Variants in EFCAB8 observed in about 807,000 individuals in gnomAD.
The protein encoded by EFCAB8 is EF-hand calcium-binding domain-containing protein 8.
EFCAB8 carries 100 observed loss-of-function variants against 116.3 expected under a neutral mutation model. The ratio of observed to expected loss-of-function variants is 0.86; its 90% CI spans 0.73 to 1.02. The LOEUF (loss-of-function observed/expected upper bound fraction) is 1.02. Ranked by LOEUF, EFCAB8 falls within the 50% of genes least tolerant of loss-of-function variation. EFCAB8 has a pLI of 0.00. For synonymous variants in EFCAB8, 558 were observed against 567.9 expected (o/e 0.98, Z 0.25); for missense variants, 1,320 against 1,416.9 (o/e 0.93, Z 1.10).
chr20:32,942,979 A>T (rs537833807), intron 22 of EFCAB8, among the ~76,000 whole-genome samples: 26 of 152,136 alleles, frequency 1.7e-4, no homozygotes, highest in Non-Finnish European at 3.2e-4. Flanking sequence ...TAAAATTTAA[A>T]GTTTATTATT....
intron 20 of EFCAB8, among the ~76,000 whole-genome samples, chr20:32,921,514 C>A (rs1987453799): frequency 6.6e-6 from 1 of 151,816 alleles, no homozygotes; most frequent in African/African-American, 2.4e-5. Context: ...TTATACCCAG[C>A]CTCTTCCTTC....
At position 32,878,728 on chromosome 20, in the gene EFCAB8, C is replaced by T. The variant is rs13037496; in HGVS notation, c.352C>T (p.Arg118Cys). ...GCAAAAGTATGTGGATTACATGATG[C>T]GTGAGTTCCAGGGAAAAGAGGACAT... ...TWQKYVDYMM[R>C]EFQGKEDMRK... Residue 118 changes from arginine (R) to cysteine (C), a missense_variant, in exon 5 of 27, where the codon CGT (arginine) becomes TGT (cysteine). Physicochemically the swap from Arg to Cys is radical, Grantham distance 180 (BLOSUM62 -3). Coordinates refer to ENST00000400522, the MANE Select transcript of EFCAB8 (RefSeq NM_001143967.2). 0.39 allele frequency: 610,861 copies of T among 1,550,792 alleles called. 130,106 individuals are homozygous for T. Among genetic ancestry groups the T allele is most frequent in the Middle Eastern group, 0.45 (2,720 of 5,990 alleles).
At chr20:32,930,860 A>G (rs929854387) in intron 21 of EFCAB8, among the ~76,000 whole-genome samples, 4 of 151,860 alleles carry the variant, frequency 2.6e-5, no homozygotes, top group Admixed American at 2.0e-4. Flanking sequence ...GTCTTCTCCA[A>G]CTCCCTCATC....
chr20:32,906,473 C>G, intron 11 of EFCAB8, 89 bp from the exon 12 acceptor site: 2 of 707,232 alleles, frequency 2.8e-6, no homozygotes, highest in Non-Finnish European at 5.3e-6. Flanking sequence ...GGCTCTGCCT[C>G]TAGCTCCTCC....
rs568418980 is a variant in EFCAB8 at position 32,917,372 on chromosome 20, T to C, written c.1928T>C (p.Met643Thr). Residue 643 changes from methionine to threonine, a missense_variant, in exon 18 of 27, where the codon ATG (methionine) becomes ACG (threonine). Coordinates refer to ENST00000400522, the MANE Select transcript of EFCAB8 (RefSeq NM_001143967.2). ...QTYHTEDILS[M>T]AKYRNQFLGT... ...TACCACACGGAGGACATCCTGAGCA[T>C]GGCCAAGTACCGGAACCAGTTCCTT... 1 of 1,551,794 alleles carries C rather than the reference T, an allele frequency of 6.4e-7. No individual in the cohort carries two copies. Among genetic ancestry groups the C allele is most frequent in the African/African-American group, 1.4e-5 (1 of 73,144 alleles).
intron 3 of EFCAB8, among the ~76,000 whole-genome samples, chr20:32,874,345 C>G (rs752921750): frequency 2.6e-5 from 4 of 152,200 alleles, no homozygotes; most frequent in Non-Finnish European, 2.9e-5. Context: ...ACCTCAGTCT[C>G]TCGACCAGCT....
chr20:32,871,601 C>A (rs1984686327), intron 3 of EFCAB8, among the ~76,000 whole-genome samples: 2 of 152,084 alleles, frequency 1.3e-5, no homozygotes, highest in South Asian at 2.1e-4. Context: ...TTTTAAAAAA[C>A]CAACTTTGGC....
chr20:32,918,559 G>T lies in EFCAB8; in HGVS notation c.2259G>T (p.Arg753Ser), dbSNP rs1219851444. ...MRCPRDKEPD[R>S]PVPQQKPSSA... ...GCCCGAGAGACAAGGAGCCAGACAG[G>T]CCTGTGCCCCAGCAGGTGGGAGCGA... is the stretch of plus-strand genomic sequence containing the variant. Residue 753 changes from arginine to serine, a missense_variant, in exon 19 of 27, where the codon AGG becomes AGT. Coordinates refer to ENST00000400522, the MANE Select transcript of EFCAB8 (RefSeq NM_001143967.2). 1 of 1,551,584 alleles carries T rather than the reference G, an allele frequency of 6.4e-7. No homozygotes were observed. The highest frequency in any genetic ancestry group is 2.0e-5 in the Admixed American group (1 of 50,998).
intron 10 of EFCAB8, among the ~76,000 whole-genome samples, chr20:32,897,482 G>A (rs1003855194): frequency 2.0e-5 from 3 of 147,262 alleles, no homozygotes; most frequent in South Asian, 4.3e-4. Flanking sequence ...TTACTCTGCT[G>A]CCCTGGCTGG....
At chr20:32,903,246 C>T (rs542272539) in intron 11 of EFCAB8, among the ~76,000 whole-genome samples, 3 of 152,338 alleles carry the variant, frequency 2.0e-5, no homozygotes, top group African/African-American at 7.2e-5. Context: ...AAGCCTCACC[C>T]CTCCCCTGGG....
chr20:32,891,279 T>A (rs1337466203), intron 7 of EFCAB8, among the ~76,000 whole-genome samples: 1 of 152,066 alleles, frequency 6.6e-6, no homozygotes, highest in Non-Finnish European at 1.5e-5. Flanking sequence ...GAAAAAAAAA[T>A]ATTGAATTCT....
chr20:32,940,025 CTTCCTT>C (rs1988348307), intron 22 of EFCAB8, among the ~76,000 whole-genome samples: 1 of 54,806 alleles, frequency 1.8e-5, no homozygotes, highest in African/African-American at 8.9e-5. Context: ...CCCTCCCTCC[CTTCCTT>C]CCTTCCTTCC....
intron 11 of EFCAB8, among the ~76,000 whole-genome samples, chr20:32,903,980 G>A (rs866591183): frequency 4.6e-5 from 7 of 152,174 alleles, no homozygotes; most frequent in East Asian, 1.9e-4. Context: ...TCAGGGGGTC[G>A]GGTGCCCTAC....
At chr20:32,950,366 G>T (rs1396220972) in intron 23 of EFCAB8, among the ~76,000 whole-genome samples, 1 of 152,166 alleles carries the variant, frequency 6.6e-6, no homozygotes, top group African/African-American at 2.4e-5. Flanking sequence ...TTAGAAAGAG[G>T]TTTGAATAGA....
At chr20:32,918,087 C>T (rs1378251750) in intron 18 of EFCAB8, among the ~76,000 whole-genome samples, 1 of 152,200 alleles carries the variant, frequency 6.6e-6, no homozygotes, top group East Asian at 1.9e-4. Context: ...TTAAAGGTAG[C>T]CTCAAAAATA....
intron 20 of EFCAB8, among the ~76,000 whole-genome samples, chr20:32,921,361 T>TTGTGTGTGTGTGTGTGTGTG (rs71858676): frequency 2.3e-5 from 3 of 129,162 alleles, no homozygotes; most frequent in African/African-American, 1.1e-4. Context: ...CCCAGCTATT[T>TTGTGTGTGTGTGTGTGTGTG]TGTGTGTGTG....
At chr20:32,921,132 T>G (rs112322903) in intron 20 of EFCAB8, among the ~76,000 whole-genome samples, 1 of 152,088 alleles carries the variant, frequency 6.6e-6, no homozygotes, top group African/African-American at 2.4e-5. Flanking sequence ...AGAGCTGGGT[T>G]TTGCAGTGTT....
intron 20 of EFCAB8, among the ~76,000 whole-genome samples, chr20:32,929,707 T>C (rs1162272326): frequency 6.6e-6 from 1 of 152,080 alleles, no homozygotes; most frequent in Non-Finnish European, 1.5e-5. Context: ...CACTGTAAAG[T>C]TCTGAGCAGG....
chr20:32,918,473 G>A lies in EFCAB8; in HGVS notation c.2173G>A (p.Glu725Lys), dbSNP rs1362469304. The A allele has an allele frequency of 1.2e-5, 18 of 1,551,614 alleles. No individual in the cohort carries two copies. Among genetic ancestry groups the A allele is most frequent in the South Asian group, 9.5e-5 (8 of 84,066 alleles). The change falls in exon 19 of 27, where the codon GAG (glutamate) becomes AAG (lysine). Residue 725 changes from glutamate to lysine, a missense_variant. Glu to Lys is a moderately conservative substitution (Grantham distance 56). Transcript: ENST00000400522. ...CAGGAAGCTCTCCAGTCTCAGCCCC[G>A]AGTCTGTGGCCAATACCAACCTGAG... Reference protein sequence around the residue: ...TSRKLSSLSPESVANTNLRRS... With the variant: ...TSRKLSSLSPKSVANTNLRRS...
Sources: gnomAD v4.1 joint callset for allele counts (sites outside exome capture counted in the v4.1 genomes callset) on GRCh38, gnomAD v4.1.1 for gene constraint, MANE v1.5 for transcripts, NCBI Gene and HGNC (gene_info 2026-07-23, HGNC 2026-07-21) for gene names.